The following NTRK3 variants were observed in gnomAD, a reference collection of about 807,000 sequenced individuals.
NTRK3 encodes NT-3 growth factor receptor.
A neutral mutation model predicts 91.7 loss-of-function variants in NTRK3; 24 were observed. That is an observed-to-expected ratio of 0.26 (90% CI 0.19 to 0.37). The LOEUF (loss-of-function observed/expected upper bound fraction) is 0.37, where lower values mean the gene tolerates loss of function less well. Among genes scored for constraint, NTRK3 ranks in the 10% least tolerant of loss-of-function variants. NTRK3 has a pLI of 1.00. For missense variants in NTRK3, 880 were observed against 1,068.9 expected (o/e 0.82, Z 2.46); for synonymous variants, 483 against 404.0 (o/e 1.20, Z -2.34).
chr15:87,900,056 T>G (rs944735717), intron 17 of NTRK3, among the ~76,000 whole-genome samples: 2 of 152,310 alleles, frequency 1.3e-5, no homozygotes, highest in South Asian at 4.1e-4. Flanking sequence ...CATAGATCAC[T>G]TGCAGGACCA....
rs377306264 is a variant in NTRK3, at chr15:88,032,068, G to A, written c.1585+789C>T. On this transcript the variant is annotated intron_variant, in intron 14 of 18. Transcript: ENST00000394480. Reference sequence around the variant, plus strand: ...AGCTGCTGTGCTCTCTCTTGATGCAGTGGATCATTTCCTGGGGACAGGAAG... The same window carrying A: ...AGCTGCTGTGCTCTCTCTTGATGCAATGGATCATTTCCTGGGGACAGGAAG... Among the ~76,000 whole-genome samples the A allele has an allele frequency of 5.3e-4, 80 of 152,304 alleles. 1 individual carries two copies. In the South Asian group the frequency reaches 0.016, roughly 31 times the overall value.
chr15:87,940,396 T>G (rs1028869838), intron 15 of NTRK3, among the ~76,000 whole-genome samples: 2 of 152,248 alleles, frequency 1.3e-5, no homozygotes, highest in South Asian at 2.1e-4. Flanking sequence ...AAGAATAAAC[T>G]TGCTCCCCTG....
At chr15:88,029,979 C>T (rs781610437) in intron 14 of NTRK3, among the ~76,000 whole-genome samples, 1 of 152,198 alleles carries the variant, frequency 6.6e-6, no homozygotes, top group African/African-American at 2.4e-5. Context: ...AGCTACAATG[C>T]TCCTGCTCAT....
intron 13 of NTRK3, among the ~76,000 whole-genome samples, chr15:88,104,964 G>A (rs1355157984): frequency 6.6e-6 from 1 of 152,216 alleles, no homozygotes; most frequent in Non-Finnish European, 1.5e-5. Flanking sequence ...TCTGCTGGCT[G>A]TGGCTCATCC....
intron 10 of NTRK3, among the ~76,000 whole-genome samples, chr15:88,129,225 C>T (rs762306468): frequency 1.1e-4 from 17 of 152,286 alleles, no homozygotes; most frequent in African/African-American, 3.6e-4. Flanking sequence ...CTAGAATCTG[C>T]CCGTCCTGCA....
At chr15:87,921,881 TA>T (rs201850075) in intron 17 of NTRK3, among the ~76,000 whole-genome samples, 5,596 of 143,006 alleles carry the variant, frequency 0.039, 123 homozygotes, top group African/African-American at 0.057. Flanking sequence ...GACTTGGTAT[TA>T]AAAAAAAAAA....
At chr15:88,100,830 T>C (rs904583654) in intron 13 of NTRK3, among the ~76,000 whole-genome samples, 3 of 152,222 alleles carry the variant, frequency 2.0e-5, no homozygotes, top group African/African-American at 7.2e-5. Context: ...AAGCTGAAAC[T>C]GGATCCCTTC....
intron 17 of NTRK3, among the ~76,000 whole-genome samples, chr15:87,898,988 G>A (rs543407338): frequency 3.9e-5 from 6 of 152,062 alleles, no homozygotes; most frequent in East Asian, 3.9e-4. Flanking sequence ...ATTTATAAGC[G>A]AACAATACTA....
In NTRK3 at chr15:88,237,344, A is replaced by T. The variant is rs1238254534; in HGVS notation, c.248+18562T>A. Among the ~76,000 whole-genome samples, 1 of 152,212 alleles carries T rather than the reference A, an allele frequency of 6.6e-6. No homozygotes were observed. Among genetic ancestry groups the T allele is most frequent in the Non-Finnish European group, 1.5e-5 (1 of 68,032 alleles). ...CATGTCCCAAAGAAAACAATTCCAT[A>T]GCCCTATTTTGTGACCCATTGTTTT... On this transcript the variant is annotated intron_variant, in intron 3 of 18. Coordinates refer to ENST00000394480, the Ensembl canonical transcript of NTRK3. The surrounding 1 kb of genome is among the most constrained non-coding windows in gnomAD (Gnocchi z 4.0).
At chr15:88,096,336 T>G (rs2049596476) in intron 13 of NTRK3, among the ~76,000 whole-genome samples, 1 of 152,168 alleles carries the variant, frequency 6.6e-6, no homozygotes, top group African/African-American at 2.4e-5. Context: ...TTTCTGTGGC[T>G]TATATAAAAG....
exon 19 of NTRK3, chr15:87,863,120 T>A (rs2141375837): frequency 8.7e-6 from 2 of 230,952 alleles, no homozygotes; most frequent in East Asian, 1.2e-4. Flanking sequence ...TGAAGTCTAG[T>A]GTGTTTCTTT....
At chr15:88,244,773 A>G (rs1319711432) in intron 3 of NTRK3, among the ~76,000 whole-genome samples, 1 of 152,212 alleles carries the variant, frequency 6.6e-6, no homozygotes, top group Non-Finnish European at 1.5e-5. Flanking sequence ...AATTCTTTCT[A>G]CCAGGGATGG....
Position 88,104,978 on chromosome 15 carries a change from G to A in NTRK3, c.1396+21293C>T, listed in dbSNP as rs1597340028. Reference sequence around the variant, plus strand: ...CTCTGCTGGCTGTGGCTCATCCTGGGGGCAAGCCCTGAAATTCTCTAGTCC... The same window carrying A: ...CTCTGCTGGCTGTGGCTCATCCTGGAGGCAAGCCCTGAAATTCTCTAGTCC... On this transcript the variant is annotated intron_variant, in intron 13 of 18. Coordinates refer to ENST00000394480, the Ensembl canonical transcript of NTRK3. 5.3e-5 allele frequency among the ~76,000 whole-genome samples: 8 copies of A among 152,262 alleles called. No individual in the cohort carries two copies. The South Asian group carries it at 1.5e-3, about 28-fold the overall frequency.
chr15:87,909,548 G>A (rs1307115891), intron 17 of NTRK3, among the ~76,000 whole-genome samples: 1 of 152,140 alleles, frequency 6.6e-6, no homozygotes, highest in Non-Finnish European at 1.5e-5. Context: ...GGCAGGGAGG[G>A]ACGAACAGAA....
At chr15:87,911,129 C>G (rs1230036202) in intron 17 of NTRK3, among the ~76,000 whole-genome samples, 1 of 152,130 alleles carries the variant, frequency 6.6e-6, no homozygotes, top group Non-Finnish European at 1.5e-5. Flanking sequence ...AAGATAAACA[C>G]AGTCACAGGG....
intron 3 of NTRK3, among the ~76,000 whole-genome samples, chr15:88,216,803 C>T (rs995926822): frequency 2.0e-5 from 3 of 152,150 alleles, no homozygotes; most frequent in African/African-American, 4.8e-5. Context: ...ATTATCCACC[C>T]TTCTCTTGAG....
At chr15:87,862,765 T>C (rs957049388) in exon 19 of NTRK3, 1 of 229,596 alleles carries the variant, frequency 4.4e-6, no homozygotes, top group Non-Finnish European at 8.6e-6. Flanking sequence ...TGCATTCTTA[T>C]TGTGATTGTT....
chr15:87,912,706 T>C (rs868498538), intron 17 of NTRK3, among the ~76,000 whole-genome samples: 1 of 151,972 alleles, frequency 6.6e-6, no homozygotes, highest in Non-Finnish European at 1.5e-5. Flanking sequence ...ACTTCATTTC[T>C]AGTCAGGATT....
chr15:88,016,354 G>C (rs1241378999), intron 14 of NTRK3, among the ~76,000 whole-genome samples: 1 of 152,178 alleles, frequency 6.6e-6, no homozygotes, highest in Non-Finnish European at 1.5e-5. Context: ...TATGTAAGGA[G>C]AAGCCATGGA....
Sources: gnomAD v4.1 joint callset for allele counts (sites outside exome capture counted in the v4.1 genomes callset) on GRCh38, gnomAD v4.1.1 for gene constraint, Gnocchi (gnomAD v3.1) non-coding constraint, MANE v1.5 for transcripts, NCBI Gene and HGNC (gene_info 2026-07-23, HGNC 2026-07-21) for gene names.